BAHCC1: variants seen among roughly 807,000 people sequenced by gnomAD.
The protein encoded by BAHCC1 is BAH domain and coiled-coil containing 1, also known as BAH and coiled-coil domain-containing protein 1.
Under a neutral mutation model 88.2 loss-of-function variants are expected in BAHCC1, and 43 were observed. That is an observed-to-expected ratio of 0.49 (90% confidence interval 0.38 to 0.63). BAHCC1 has a LOEUF of 0.63. BAHCC1 is among the 20% of genes least tolerant of loss of function. BAHCC1 has a pLI of 0.00. For missense variants in BAHCC1, 3,023 were observed against 1,654.8 expected (o/e 1.83, Z -14.34); for synonymous variants, 1,510 against 745.5 (o/e 2.03, Z -16.71).
At chr17:81,412,301 A>G (rs560431719) in intron 2 of BAHCC1, among the ~76,000 whole-genome samples, 2 of 152,376 alleles carry the variant, frequency 1.3e-5, no homozygotes, top group South Asian at 4.1e-4. Context: ...ATAAACTTTT[A>G]ATTTATTTTA....
Position 81,445,512 on chromosome 17 carries a change from C to T in BAHCC1, c.2994C>T (p.Asp998=). 1.4e-6 allele frequency: 1 copy of T among 735,782 alleles called. No individual in the cohort carries two copies. Among genetic ancestry groups the T allele is most frequent in the Non-Finnish European group, 2.5e-6 (1 of 397,332 alleles). The allele number at this position is 735,782 out of a possible 1,614,324, so 45.6% of individuals were successfully genotyped here. ...TGCCACCTTGCTGCCATCCGCCCGACCCAAAGCCCCCCGCCAGCTCCCCCA... is the reference window on the plus strand; with the variant it reads ...TGCCACCTTGCTGCCATCCGCCCGATCCAAAGCCCCCCGCCAGCTCCCCCA... ...TKLPPCCHPP[D]PKPPASSPTP... is the part of the protein sequence containing the mutation. The change falls in exon 10 of 28, where the codon GAC becomes GAT. Residue 998 remains aspartate, a synonymous_variant. Transcript: ENST00000675386.
chr17:81,458,080 C>A, intron 17 of BAHCC1, 85 bp from the exon 18 acceptor site: 1 of 686,764 alleles, frequency 1.5e-6, no homozygotes, highest in Non-Finnish European at 2.7e-6. Context: ...GCTAGGTAAC[C>A]AGGAGGGAGG....
rs376622061 is a variant in BAHCC1, at chr17:81,457,584, G to A, written c.5033G>A (p.Gly1678Glu). Reference protein sequence around the residue: ...QKAKKKKERQGLLGACRLSSP... With the variant: ...QKAKKKKERQELLGACRLSSP... ...GCCAAGAAGAAGAAGGAGAGGCAGGGGTTGCTAGGTAACCAGGAGGGAGGA... is the reference window on the plus strand; with the variant it reads ...GCCAAGAAGAAGAAGGAGAGGCAGGAGTTGCTAGGTAACCAGGAGGGAGGA... Residue 1678 changes from glycine (G) to glutamate (E), a missense_variant, in exon 17 of 28, where the codon GGG (glycine) becomes GAG (glutamate). Physicochemically the swap from Gly to Glu is moderately conservative, Grantham distance 98. Coordinates refer to ENST00000675386, the MANE Select transcript of BAHCC1 (RefSeq NM_001377448.1). 2 of 735,430 alleles carry A rather than the reference G, an allele frequency of 2.7e-6. No individual in the cohort carries two copies. Among genetic ancestry groups the A allele is most frequent in the Non-Finnish European group, 2.5e-6 (1 of 395,586 alleles). The allele number at this position is 735,430 out of a possible 1,614,324, so 45.6% of individuals were successfully genotyped here. A position where few individuals can be genotyped will look rare whatever the true frequency, so the allele number is the denominator to read the frequency against.
rs782246593 is a variant in BAHCC1, at chr17:81,411,627, G to A, written c.178+11710G>A. On this transcript the variant is annotated intron_variant, in intron 2 of 27. Coordinates refer to ENST00000675386, the MANE Select transcript of BAHCC1 (RefSeq NM_001377448.1). The surrounding 1 kb of genome is among the most constrained non-coding windows in gnomAD (Gnocchi z 6.2). ...AAGACGGGTGAGCTGCTGGCCACCC[G>A]AAGAGGGTGTGGGGTGGTCAGGTTT... 2.4e-5 allele frequency: 10 copies of A among 421,846 alleles called. No homozygotes were observed. Among genetic ancestry groups the A allele is most frequent in the South Asian group, 6.9e-5 (4 of 58,326 alleles). The allele number at this position is 421,846 out of a possible 1,614,324, so 26.1% of individuals were successfully genotyped here.
chr17:81,403,151 C>A (rs1257798323), intron 2 of BAHCC1, among the ~76,000 whole-genome samples: 4 of 152,180 alleles, frequency 2.6e-5, no homozygotes, highest in African/African-American at 9.7e-5. Flanking sequence ...TGTGTGTGAT[C>A]CGAGGCAGCC....
chr17:81,432,416 G>A (rs985165714), intron 3 of BAHCC1, among the ~76,000 whole-genome samples: 4 of 152,062 alleles, frequency 2.6e-5, no homozygotes, highest in Non-Finnish European at 5.9e-5. Context: ...AGCCAGAGCT[G>A]ATGTCCAGGG....
intron 2 of BAHCC1, among the ~76,000 whole-genome samples, chr17:81,400,153 C>T (rs2063795890): frequency 6.6e-6 from 1 of 152,042 alleles, no homozygotes; most frequent in Non-Finnish European, 1.5e-5. Context: ...AGGGGCAGCC[C>T]CGGAGCCGGC....
intron 14 of BAHCC1, among the ~76,000 whole-genome samples, chr17:81,453,404 C>T (rs971699202): frequency 5.3e-5 from 8 of 152,368 alleles, no homozygotes; most frequent in South Asian, 2.1e-4. Flanking sequence ...TTGGCGCGTG[C>T]GTGTGCGCAC....
intron 16 of BAHCC1, among the ~76,000 whole-genome samples, chr17:81,456,961 A>G (rs942049494): frequency 4.5e-4 from 68 of 151,828 alleles, no homozygotes; most frequent in African/African-American, 1.6e-3. Flanking sequence ...CCCAGCAAAC[A>G]CGTGTGTCCA....
rs559910328 is a variant in BAHCC1, at chr17:81,457,603, G to A, written c.5041+11G>A. On this transcript the variant is annotated intron_variant, in intron 17 of 27. Coordinates refer to ENST00000675386, the MANE Select transcript of BAHCC1 (RefSeq NM_001377448.1). ...GGCAGGGGTTGCTAGGTAACCAGGAGGGAGGACAGGGGTTGCTAGGTAACC... is the reference window on the plus strand; with the variant it reads ...GGCAGGGGTTGCTAGGTAACCAGGAAGGAGGACAGGGGTTGCTAGGTAACC... 1.4e-3 allele frequency: 995 copies of A among 710,742 alleles called. 14 individuals carry two copies. The South Asian group carries it at 0.015, about 10-fold the overall frequency. 44.0% of individuals were successfully genotyped at this position (710,742 alleles called of 1,614,324 possible).
intron 10 of BAHCC1, chr17:81,446,716 T>G: frequency 4.2e-5 from 20 of 481,442 alleles, no homozygotes; most frequent in East Asian, 1.6e-4. Flanking sequence ...GCCCAGCTCA[T>G]TGTTCTTTAA....
chr17:81,408,264 G>A (rs2063905619), intron 2 of BAHCC1, among the ~76,000 whole-genome samples: 1 of 152,140 alleles, frequency 6.6e-6, no homozygotes, highest in Admixed American at 6.5e-5. Flanking sequence ...AGGCTGTCTG[G>A]TTGTCCTGGA....
In BAHCC1 at chr17:81,447,826, G is replaced by A. The variant is rs1555655017; in HGVS notation, c.3954G>A (p.Gln1318=). The change falls in exon 11 of 28, where the codon CAG becomes CAA. Residue 1318 remains glutamine (Q), a synonymous_variant. Transcript: ENST00000675386. ...TGGCTGACCTGGCAATCCAGCGGCA[G>A]AGGAGTGAGAGGACTGTGCCAGGTA... The part of the protein sequence containing the change: ...SELADLAIQR[Q]RSERTVPEEE... The A allele has an allele frequency of 4.1e-6, 3 of 740,256 alleles. No individual in the cohort carries two copies. The South Asian group carries it at 4.3e-5, about 11-fold the overall frequency. 45.9% of individuals were successfully genotyped at this position (740,256 alleles called of 1,614,324 possible). A position where few individuals can be genotyped will look rare whatever the true frequency, so the allele number is the denominator to read the frequency against.
chr17:81,441,995 G>A lies in BAHCC1; in HGVS notation c.646G>A (p.Asp216Asn), dbSNP rs369843602. 6.0e-5 allele frequency: 45 copies of A among 744,438 alleles called. No individual in the cohort carries two copies. Among genetic ancestry groups the A allele is most frequent in the East Asian group, 4.5e-4 (18 of 39,780 alleles). 46.1% of individuals were successfully genotyped at this position (744,438 alleles called of 1,614,324 possible). A position where few individuals can be genotyped will look rare whatever the true frequency, so the allele number is the denominator to read the frequency against. Residue 216 changes from aspartate to asparagine, a missense_variant, in exon 5 of 28, where the codon GAC becomes AAC. Asp to Asn is a conservative substitution (Grantham distance 23). Transcript: ENST00000675386. ...GSLQKGPKDF[D>N]RFLVGKELGR... ...CCTGCAGAAGGGCCCCAAGGACTTC[G>A]ACCGCTTCCTCGTGGGCAAAGAGCT...
rs1323061902 is a variant in BAHCC1 at position 81,425,720 on chromosome 17, GGTGATGTGGTTGGTGGTGATGTGGTTGGT to G, written c.179-1049_179-1021del. Among the ~76,000 whole-genome samples the G allele has an allele frequency of 9.5e-4, 143 of 150,474 alleles. 1 individual carries two copies. The highest frequency in any genetic ancestry group is 3.2e-3 in the African/African-American group (129 of 40,662). On this transcript the variant is annotated intron_variant, in intron 2 of 27. Coordinates refer to ENST00000675386, the MANE Select transcript of BAHCC1 (RefSeq NM_001377448.1). ...GATGTGGTTGGTGGTGATAGTGGTG[GGTGATGTGGTTGGTGGTGATGTGGTTGGT>G]GTGATGTGGTTGGTGGTGATGTGGT...
At chr17:81,431,181 C>G (rs1002057227) in intron 3 of BAHCC1, among the ~76,000 whole-genome samples, 14 of 152,248 alleles carry the variant, frequency 9.2e-5, no homozygotes, top group East Asian at 3.9e-4. Context: ...TATGATCCCC[C>G]CTCCGGAGGT....
rs1256931695 is a variant in BAHCC1 at position 81,399,716 on chromosome 17, G to A, written c.-24G>A. ...GGCCGCGCTGCTCCGAGGAAGCGGC[G>A]GCGGACCGGGGCCGGGGCCCGGCAT... is the stretch of plus-strand genomic sequence containing the variant. On this transcript the variant is annotated 5_prime_UTR_variant, in exon 2 of 28. Transcript: ENST00000675386. This position sits in a 1 kb window ranked among gnomAD's most constrained non-coding sequence, Gnocchi z 4.5. The A allele has an allele frequency of 1.6e-5, 17 of 1,032,296 alleles. No homozygotes were observed. In the African/African-American group the frequency reaches 2.8e-4, roughly 17 times the overall value. The allele number at this position is 1,032,296 out of a possible 1,614,324, so 63.9% of individuals were successfully genotyped here. A position where few individuals can be genotyped will look rare whatever the true frequency, so the allele number is the denominator to read the frequency against.
At chr17:81,462,651 C>CCCACA in intron 26 of BAHCC1, 89 bp from the exon 27 acceptor site, 1 of 677,152 alleles carries the variant, frequency 1.5e-6, no homozygotes, top group Non-Finnish European at 2.7e-6. Context: ...CACACTCACA[C>CCCACA]CCACACCACA....
rs2030317059 is a variant in BAHCC1 at position 81,461,796 on chromosome 17, C to T, written c.7133C>T (p.Ser2378Phe). 2.8e-6 allele frequency: 2 copies of T among 715,914 alleles called. No homozygotes were observed. Among genetic ancestry groups the T allele is most frequent in the African/African-American group, 1.7e-5 (1 of 57,234 alleles). The allele number at this position is 715,914 out of a possible 1,614,324, so 44.3% of individuals were successfully genotyped here. ...CTGGCCCAGCCCGAGGCCCTGCGCT[C>T]CAAGGGCAGCGGCCCTCACGCGCAT... ...TLLAQPEALR[S>F]KGSGPHAHAQ... Residue 2378 changes from serine to phenylalanine, a missense_variant, in exon 26 of 28, where the codon TCC (serine) becomes TTC (phenylalanine). Coordinates refer to ENST00000675386, the MANE Select transcript of BAHCC1 (RefSeq NM_001377448.1).
Sources: gnomAD v4.1 joint callset for allele counts (sites outside exome capture counted in the v4.1 genomes callset) on GRCh38, gnomAD v4.1.1 for gene constraint, Gnocchi (gnomAD v3.1) non-coding constraint, MANE v1.5 for transcripts, NCBI Gene and HGNC (gene_info 2026-07-23, HGNC 2026-07-21) for gene names.